The following NFIB variants were observed in gnomAD, a reference collection of about 807,000 sequenced individuals.
NFIB encodes nuclear factor I B.
Under a neutral mutation model 61.5 loss-of-function variants are expected in NFIB, and 11 were observed. The ratio of observed to expected loss-of-function variants is 0.18; its 90% CI spans 0.11 to 0.30. The LOEUF (loss-of-function observed/expected upper bound fraction) is 0.30, where lower values mean the gene tolerates loss of function less well. Ranked by LOEUF, NFIB falls within the 10% of genes least tolerant of loss-of-function variation. NFIB has a pLI of 1.00. For synonymous variants in NFIB, 260 were observed against 216.5 expected (o/e 1.20, Z -1.76); for missense variants, 471 against 608.9 (o/e 0.77, Z 2.38).
At chr9:14,522,958 T>C in the NFIB span, among the ~76,000 whole-genome samples, 1 of 152,146 alleles carries the variant, frequency 6.6e-6, no homozygotes, top group African/African-American at 2.4e-5. Flanking sequence ...AAAATAATAA[T>C]CCACAATCAA....
At chr9:14,430,645 G>A in the NFIB span, among the ~76,000 whole-genome samples, 5 of 152,178 alleles carry the variant, frequency 3.3e-5, no homozygotes, top group South Asian at 2.1e-4. Flanking sequence ...GCAGTGGCAC[G>A]ATCTCAGCTT....
intron 2 of NFIB, among the ~76,000 whole-genome samples, chr9:14,256,075 A>G (rs2056194483): frequency 6.6e-6 from 1 of 152,248 alleles, no homozygotes; most frequent in African/African-American, 2.4e-5. Flanking sequence ...CAGGGCTATT[A>G]TGAGTATAAA....
chr9:14,304,584 G>C (rs1169886221), intron 2 of NFIB, among the ~76,000 whole-genome samples: 1 of 152,176 alleles, frequency 6.6e-6, no homozygotes, highest in Non-Finnish European at 1.5e-5. Flanking sequence ...TTTAGAAGTG[G>C]GGAGAGAGAA....
At chr9:14,426,674 T>C in the NFIB span, among the ~76,000 whole-genome samples, 3 of 152,212 alleles carry the variant, frequency 2.0e-5, no homozygotes, top group Admixed American at 2.0e-4. Flanking sequence ...ACCATTCCTC[T>C]AGCTGAACAT....
Position 14,086,374 on chromosome 9 carries a change from C to T in NFIB, c.*1935G>A, listed in dbSNP as rs763816342. The T allele has an allele frequency of 4.6e-6, 1 of 218,464 alleles. No individual in the cohort carries two copies. The highest frequency in any genetic ancestry group is 6.0e-5 in the Admixed American group (1 of 16,636). The allele number at this position is 218,464 out of a possible 1,614,324, so 13.5% of individuals were successfully genotyped here. ...TAAAACAAACAAACAAACAAAAAAG[C>T]ATACATTATTTTTTTTTTAAATCTG... On this transcript the variant is annotated 3_prime_UTR_variant, in exon 11 of 11. Transcript: ENST00000380953.
intron 2 of NFIB, among the ~76,000 whole-genome samples, chr9:14,216,966 T>C (rs1013573802): frequency 1.3e-5 from 2 of 152,208 alleles, no homozygotes; most frequent in African/African-American, 4.8e-5. Flanking sequence ...TCTAAAATAA[T>C]GTTGTAACAG....
chr9:14,390,510 G>A (rs1211723518), intron 1 of NFIB, among the ~76,000 whole-genome samples: 1 of 146,806 alleles, frequency 6.8e-6, no homozygotes, highest in Admixed American at 6.6e-5. Context: ...GCTCTCAACA[G>A]ACAAAGTTGT....
the NFIB span, among the ~76,000 whole-genome samples, chr9:14,525,328 T>C: frequency 6.6e-6 from 1 of 152,184 alleles, no homozygotes; most frequent in Non-Finnish European, 1.5e-5. Context: ...GTTGGGTTCT[T>C]GGGAAAGAGC....
intron 6 of NFIB, among the ~76,000 whole-genome samples, chr9:14,128,860 T>C (rs187171175): frequency 2.4e-4 from 36 of 152,262 alleles, no homozygotes; most frequent in Admixed American, 5.9e-4. Flanking sequence ...TCTCCTTTTG[T>C]AAAGGGCACA....
chr9:14,152,173 G>A (rs2042938990), intron 4 of NFIB, among the ~76,000 whole-genome samples: 1 of 151,984 alleles, frequency 6.6e-6, no homozygotes, highest in South Asian at 2.1e-4. Context: ...ACTAGTAACA[G>A]CTCCAAACTT....
At chr9:14,262,285 C>T (rs1323691472) in intron 2 of NFIB, among the ~76,000 whole-genome samples, 1 of 152,190 alleles carries the variant, frequency 6.6e-6, no homozygotes, top group Non-Finnish European at 1.5e-5. Context: ...CCTGCTGGAT[C>T]CCTCCCAGAG....
At chr9:14,157,012 C>A (rs2043499244) in intron 3 of NFIB, among the ~76,000 whole-genome samples, 1 of 152,122 alleles carries the variant, frequency 6.6e-6, no homozygotes, top group Admixed American at 6.6e-5. Context: ...TGAATCCTAG[C>A]CACAGATGAC....
At chr9:14,407,069 C>T in the NFIB span, among the ~76,000 whole-genome samples, 3 of 152,178 alleles carry the variant, frequency 2.0e-5, no homozygotes, top group South Asian at 2.1e-4. Context: ...CTTGGCAACC[C>T]TGTGAGCTCC....
chr9:14,224,690 CCATTTTATACAAGGAACTTGAGCATTA>C (rs777496895), intron 2 of NFIB, among the ~76,000 whole-genome samples: 1 of 152,150 alleles, frequency 6.6e-6, no homozygotes, highest in Non-Finnish European at 1.5e-5. Context: ...AAATACTATG[CCATTTTATACAAGGAACTTGAGCATTA>C]TGGTGTTTGG....
At chr9:14,377,861 C>T (rs1368187868) in intron 1 of NFIB, among the ~76,000 whole-genome samples, 2 of 152,156 alleles carry the variant, frequency 1.3e-5, no homozygotes, top group African/African-American at 4.8e-5. Flanking sequence ...TTAAAAAGAA[C>T]TTCTGAATTT....
At chr9:14,453,048 G>A in the NFIB span, among the ~76,000 whole-genome samples, 1 of 152,278 alleles carries the variant, frequency 6.6e-6, no homozygotes, top group South Asian at 2.1e-4. Flanking sequence ...GGGTGCATAA[G>A]CCCACCACAG....
chr9:14,224,698 T>C (rs1455320388), intron 2 of NFIB, among the ~76,000 whole-genome samples: 1 of 152,200 alleles, frequency 6.6e-6, no homozygotes, highest in East Asian at 1.9e-4. Flanking sequence ...TGCCATTTTA[T>C]ACAAGGAACT....
chr9:14,285,132 T>C (rs529356080), intron 2 of NFIB, among the ~76,000 whole-genome samples: 24 of 152,346 alleles, frequency 1.6e-4, no homozygotes, highest in African/African-American at 5.8e-4. Context: ...TTTCCAATTT[T>C]CTTTTCTTGA....
chr9:14,452,092 C>G, the NFIB span, among the ~76,000 whole-genome samples: 1 of 152,082 alleles, frequency 6.6e-6, no homozygotes, highest in Non-Finnish European at 1.5e-5. Context: ...GACTTTTTCT[C>G]CAGCAGCAAT....
Sources: gnomAD v4.1 joint callset for allele counts (sites outside exome capture counted in the v4.1 genomes callset) on GRCh38, gnomAD v4.1.1 for gene constraint, MANE v1.5 for transcripts, NCBI Gene and HGNC (gene_info 2026-07-23, HGNC 2026-07-21) for gene names.